Variants in CDS1 observed in about 807,000 individuals in gnomAD.
CDS1 encodes phosphatidate cytidylyltransferase 1.
A neutral mutation model predicts 62.1 loss-of-function variants in CDS1; 41 were observed. The observed-to-expected ratio is 0.66, with a 90% CI of 0.51 to 0.86. The LOEUF (loss-of-function observed/expected upper bound fraction) is 0.86. CDS1 is among the 40% of genes least tolerant of loss of function. CDS1 has a pLI of 0.00. For synonymous variants in CDS1, 185 were observed against 192.6 expected (o/e 0.96, Z 0.32); for missense variants, 470 against 550.1 (o/e 0.85, Z 1.46).
intron 5 of CDS1, among the ~76,000 whole-genome samples, chr4:84,630,466 C>CA (rs1723985781): frequency 6.6e-6 from 1 of 152,086 alleles, no homozygotes; most frequent in Admixed American, 6.6e-5. Context: ...AATTGATCAC[C>CA]AAAAGTAGCG....
At chr4:84,612,395 G>A (rs1361641632) in intron 3 of CDS1, among the ~76,000 whole-genome samples, 7 of 151,934 alleles carry the variant, frequency 4.6e-5, no homozygotes, top group Admixed American at 6.5e-5. Flanking sequence ...CAGTGACTTC[G>A]GCAGGTTTGG....
intron 1 of CDS1, among the ~76,000 whole-genome samples, chr4:84,585,869 A>G (rs1019799772): frequency 2.6e-5 from 4 of 152,190 alleles, no homozygotes; most frequent in African/African-American, 9.7e-5. Flanking sequence ...ACCCTGCAGG[A>G]GACATATATG....
In CDS1 at chr4:84,583,431, C is replaced by T; in HGVS notation, c.30C>T (p.Cys10=). 1 of 1,597,290 alleles carries T rather than the reference C, an allele frequency of 6.3e-7. No individual in the cohort carries two copies. Among genetic ancestry groups the T allele is most frequent in the South Asian group, 1.1e-5 (1 of 89,532 alleles). The change falls in exon 1 of 13, where the codon TGC becomes TGT. Residue 10 remains cysteine, a synonymous_variant. Coordinates refer to ENST00000295887, the MANE Select transcript of CDS1 (RefSeq NM_001263.4). MLELRHRGS[C]PGPREAVSPP... ...TGGAGCTGAGGCACCGGGGAAGCTGCCCCGGCCCCAGGGAAGCGGTGTCGC... is the reference window on the plus strand; with the variant it reads ...TGGAGCTGAGGCACCGGGGAAGCTGTCCCGGCCCCAGGGAAGCGGTGTCGC...
At chr4:84,604,456 G>GT in intron 2 of CDS1, 86 bp downstream of exon 2, 1 of 1,399,454 alleles carries the variant, frequency 7.1e-7, no homozygotes, top group Non-Finnish European at 9.8e-7. Context: ...TTGGCTTTTT[G>GT]TAAGTTTTCC....
chr4:84,648,571 G>A lies in CDS1; in HGVS notation c.1271G>A (p.Ser424Asn), dbSNP rs148659910. The A allele has an allele frequency of 4.0e-4, 650 of 1,613,244 alleles. 2 individuals are homozygous for A. In the African/African-American group the frequency reaches 7.3e-3, roughly 18 times the overall value. ...TTTATCATTAGGGGCCCAAATCCCAGCAAAGTGCTACAGCAGTTGTTGGTG... is the reference window on the plus strand; with the variant it reads ...TTTATCATTAGGGGCCCAAATCCCAACAAAGTGCTACAGCAGTTGTTGGTG... ...ITSFIRGPNP[S>N]KVLQQLLVLQ... The change falls in exon 13 of 13, where the codon AGC becomes AAC. Residue 424 changes from serine (S) to asparagine (N), a missense_variant. By Grantham distance (46) the Ser-to-Asn change is conservative. Coordinates refer to ENST00000295887, the MANE Select transcript of CDS1 (RefSeq NM_001263.4).
At chr4:84,586,993 CTA>C (rs986234103) in intron 1 of CDS1, among the ~76,000 whole-genome samples, 1 of 152,014 alleles carries the variant, frequency 6.6e-6, no homozygotes, top group Non-Finnish European at 1.5e-5. Context: ...GGGGTAGAGA[CTA>C]TGGATTATTG....
intron 1 of CDS1, among the ~76,000 whole-genome samples, chr4:84,591,505 A>G (rs1407472209): frequency 3.3e-5 from 5 of 152,166 alleles, no homozygotes; most frequent in Non-Finnish European, 7.3e-5. Context: ...TTGTTGCTCA[A>G]CAACTGATTG....
intron 3 of CDS1, 143 bp downstream of exon 3, chr4:84,609,668 T>A (rs892397589): frequency 1.6e-6 from 1 of 609,050 alleles, no homozygotes; most frequent in African/African-American, 1.9e-5. Flanking sequence ...GTGTCTTTTA[T>A]TTCATGATAT....
intron 10 of CDS1, among the ~76,000 whole-genome samples, chr4:84,642,119 G>A (rs933437183): frequency 1.3e-5 from 2 of 152,162 alleles, no homozygotes; most frequent in Non-Finnish European, 2.9e-5. Flanking sequence ...CCTGATGCCA[G>A]GAGTTCCAGA....
At position 84,598,625 on chromosome 4, in the gene CDS1, A is replaced by C. The variant is rs556886116; in HGVS notation, c.118-5618A>C. On this transcript the variant is annotated intron_variant, in intron 1 of 12. Coordinates refer to ENST00000295887, the MANE Select transcript of CDS1 (RefSeq NM_001263.4). ...TTTTGGAGCCATCATCTATTTTTAA[A>C]ATTTTGATTCTTATTTTAATTAATT... is the stretch of plus-strand genomic sequence containing the variant. 8.6e-5 allele frequency among the ~76,000 whole-genome samples: 13 copies of C among 151,948 alleles called. 1 individual carries two copies. The highest frequency in any genetic ancestry group is 6.5e-4 in the Admixed American group (10 of 15,268).
intron 1 of CDS1, among the ~76,000 whole-genome samples, chr4:84,589,273 G>A (rs946662711): frequency 7.2e-5 from 11 of 152,104 alleles, no homozygotes; most frequent in Middle Eastern, 3.2e-3. Context: ...AAATTCACTG[G>A]TTGTTCCACT....
chr4:84,641,801 T>A (rs1394227713), intron 10 of CDS1, among the ~76,000 whole-genome samples: 1 of 152,204 alleles, frequency 6.6e-6, no homozygotes, highest in Non-Finnish European at 1.5e-5. Flanking sequence ...TAATAGCATG[T>A]ATGTCTGTAT....
At chr4:84,609,343 A>G (rs190984058) in intron 2 of CDS1, 86 bp from the exon 3 acceptor site, 366 of 828,016 alleles carry the variant, frequency 4.4e-4, no homozygotes, top group Non-Finnish European at 5.8e-4. Context: ...AGTTAAGGAA[A>G]ATTCATAAAT....
At chr4:84,592,154 ATTTTTTTTTTTTT>A (rs72236126) in intron 1 of CDS1, among the ~76,000 whole-genome samples, 2 of 86,060 alleles carry the variant, frequency 2.3e-5, no homozygotes, top group East Asian at 8.0e-4. Flanking sequence ...TTAATGACCA[ATTTTTTTTTTTTT>A]TTTTTTTTTT....
chr4:84,644,623 T>C (rs1724499228), intron 11 of CDS1, among the ~76,000 whole-genome samples: 1 of 152,162 alleles, frequency 6.6e-6, no homozygotes, highest in Admixed American at 6.5e-5. Context: ...CACCCAGACA[T>C]GTGAATCTAC....
At chr4:84,634,524 TCTGA>T (rs930902648) in intron 7 of CDS1, among the ~76,000 whole-genome samples, 11 of 152,202 alleles carry the variant, frequency 7.2e-5, no homozygotes, top group South Asian at 2.1e-4. Flanking sequence ...TAAAAAAAAA[TCTGA>T]CTGTATTTTT....
In CDS1 at chr4:84,640,930, A is replaced by G. The variant is rs779993831; in HGVS notation, c.972A>G (p.Ser324=). 1.4e-5 allele frequency: 22 copies of G among 1,611,192 alleles called. No homozygotes were observed. The highest frequency in any genetic ancestry group is 1.7e-5 in the Non-Finnish European group (20 of 1,179,020). Residue 324 remains serine (S), a synonymous_variant, in exon 10 of 13, where the codon TCA becomes TCG. Coordinates refer to ENST00000295887, the MANE Select transcript of CDS1 (RefSeq NM_001263.4). ...VNSFVTECEP[S]ELFQLQTYSL... ...CCTTCGTGACAGAATGTGAGCCCTC[A>G]GAACTTTTCCAGCTTCAGACTTACT... is the stretch of plus-strand genomic sequence containing the variant.
chr4:84,599,854 G>T (rs1252535798), intron 1 of CDS1, among the ~76,000 whole-genome samples: 2 of 152,116 alleles, frequency 1.3e-5, no homozygotes, highest in Non-Finnish European at 2.9e-5. Flanking sequence ...TTGTGCACAA[G>T]TCTTTGCTTG....
At chr4:84,639,108 G>T in intron 9 of CDS1, 116 bp downstream of exon 9, 1 of 387,458 alleles carries the variant, frequency 2.6e-6, no homozygotes, top group Non-Finnish European at 4.5e-6. Flanking sequence ...TATATTTATT[G>T]AAACCTACTG....
Sources: allele counts gnomAD v4.1 joint callset (sites outside exome capture counted in the v4.1 genomes callset), GRCh38; gene constraint gnomAD v4.1.1; transcripts MANE v1.5; gene names NCBI Gene and HGNC (gene_info 2026-07-23, HGNC 2026-07-21).